CYS1: variants seen among roughly 807,000 people sequenced by gnomAD.
CYS1 encodes cystin 1.
Under a neutral mutation model 9.6 loss-of-function variants are expected in CYS1, and 5 were observed. That is an observed-to-expected ratio of 0.52 (90% CI 0.27 to 1.10). CYS1 has a LOEUF of 1.10. Ranked by LOEUF, CYS1 falls within the 50% of genes least tolerant of loss-of-function variation. CYS1 has a pLI of 0.11. For missense variants in CYS1, 221 were observed against 207.9 expected (o/e 1.06, Z -0.39); for synonymous variants, 88 against 95.7 (o/e 0.92, Z 0.47).
chr2:10,075,266 G>C (rs180930328), intron 1 of CYS1, among the ~76,000 whole-genome samples: 1 of 152,162 alleles, frequency 6.6e-6, no homozygotes, highest in Middle Eastern at 3.2e-3. Context: ...CTTCTGCCTC[G>C]GGTGGGATTC....
chr2:10,080,165 C>T lies in CYS1; in HGVS notation c.59G>A (p.Ser20Asn). 1 of 1,063,066 alleles carries T rather than the reference C, an allele frequency of 9.4e-7. No individual in the cohort carries two copies. The highest frequency in any genetic ancestry group is 1.1e-6 in the Non-Finnish European group (1 of 882,318). 65.9% of individuals were successfully genotyped at this position (1,063,066 alleles called of 1,614,324 possible). ...TGCCGCTCCGGGCCCCGCGGGGAGGCTCTCGGGGCTGCGCCGCCGCCTCAG... is the reference window on the plus strand; with the variant it reads ...TGCCGCTCCGGGCCCCGCGGGGAGGTTCTCGGGGCTGCGCCGCCGCCTCAG... ...RTLRRRRSPE[S>N]LPAGPGAAAL... Residue 20 changes from serine to asparagine, a missense_variant, in exon 1 of 3, where the codon AGC (serine) becomes AAC (asparagine). By Grantham distance (46) the Ser-to-Asn change is conservative. Coordinates refer to ENST00000381813, the MANE Select transcript of CYS1 (RefSeq NM_001037160.3). The surrounding 1 kb of genome is among the most constrained non-coding windows in gnomAD (Gnocchi z 6.4).
intron 2 of CYS1, 69 bp downstream of exon 2, chr2:10,065,835 C>A (rs969212936): frequency 6.6e-7 from 1 of 1,524,318 alleles, no homozygotes; most frequent in African/African-American, 1.4e-5. Flanking sequence ...CAGGAGGGCT[C>A]TGAGGCTGGC....
rs956172384 is a variant in CYS1, at chr2:10,080,404, G to C, written c.-181C>G. The C allele has an allele frequency of 1.7e-4, 34 of 196,930 alleles. No individual in the cohort carries two copies. The Middle Eastern group carries it at 7.5e-3, about 43-fold the overall frequency. 12.2% of individuals were successfully genotyped at this position (196,930 alleles called of 1,614,324 possible). On this transcript the variant is annotated 5_prime_UTR_variant, in exon 1 of 3. Transcript: ENST00000381813. The surrounding 1 kb of genome is among the most constrained non-coding windows in gnomAD (Gnocchi z 6.4). ...CGGGGGTCGCGGCCGGAGGACGGGG[G>C]TGCGAGCCGGAGCCTGGGGAGGGGC...
rs967506935 is a variant in CYS1 at position 10,076,847 on chromosome 2, T to C, written c.318+3059A>G. 1.5e-4 allele frequency among the ~76,000 whole-genome samples: 23 copies of C among 152,284 alleles called. No individual in the cohort carries two copies. Among genetic ancestry groups the C allele is most frequent in the Middle Eastern group, 3.4e-3 (1 of 294 alleles). ...AATCTCATGGGTTTAAATCCTCCCA[T>C]GTTCTAATGGCTTCTAAACGAACTC... On this transcript the variant is annotated intron_variant, in intron 1 of 2. Coordinates refer to ENST00000381813, the MANE Select transcript of CYS1 (RefSeq NM_001037160.3). The surrounding 1 kb of genome is among the most constrained non-coding windows in gnomAD (Gnocchi z 4.3).
At chr2:10,060,388 C>T (rs2125287021) in intron 2 of CYS1, among the ~76,000 whole-genome samples, 1 of 152,340 alleles carries the variant, frequency 6.6e-6, no homozygotes. Flanking sequence ...CCTCCGGGTC[C>T]CCGTCTGGCT....
At chr2:10,077,490 T>C (rs1661859575) in intron 1 of CYS1, among the ~76,000 whole-genome samples, 1 of 152,222 alleles carries the variant, frequency 6.6e-6, no homozygotes, top group South Asian at 2.1e-4. Context: ...TATGAAGCTA[T>C]TAAAGGTTTC....
At chr2:10,071,094 T>C (rs1300940142) in intron 1 of CYS1, among the ~76,000 whole-genome samples, 1 of 152,030 alleles carries the variant, frequency 6.6e-6, no homozygotes, top group African/African-American at 2.4e-5. Flanking sequence ...GCCTCCCGAG[T>C]AGCTGGGATT....
At position 10,058,881 on chromosome 2, in the gene CYS1, G is replaced by A. The variant is rs779196794; in HGVS notation, c.449C>T (p.Ala150Val). 250 of 1,591,034 alleles carry A rather than the reference G, an allele frequency of 1.6e-4. No individual in the cohort carries two copies. The highest frequency in any genetic ancestry group is 2.1e-4 in the Non-Finnish European group (243 of 1,169,552). The part of the protein sequence containing the change: ...SYDHSEEGLM[A>V]SIEREYCR Reference sequence around the variant, plus strand: ...GCGGCAGTACTCCCGCTCGATGCTCGCCATCAGCCCCTCTTCCGAGTGGTC... The same window carrying A: ...GCGGCAGTACTCCCGCTCGATGCTCACCATCAGCCCCTCTTCCGAGTGGTC... The change falls in exon 3 of 3, where the codon GCG becomes GTG. Residue 150 changes from alanine (A) to valine (V), a missense_variant. Ala to Val is a moderately conservative substitution (Grantham distance 64). Transcript: ENST00000381813.
At chr2:10,060,558 G>T (rs1354548365) in intron 2 of CYS1, among the ~76,000 whole-genome samples, 2 of 152,330 alleles carry the variant, frequency 1.3e-5, no homozygotes, top group East Asian at 3.9e-4. Flanking sequence ...TGGCTCCAGG[G>T]ACTATACTTA....
chr2:10,064,409 G>T (rs1168873335), intron 2 of CYS1, among the ~76,000 whole-genome samples: 1 of 152,088 alleles, frequency 6.6e-6, no homozygotes, highest in African/African-American at 2.4e-5. Flanking sequence ...TGGGCTGATG[G>T]AAACTCTAAA....
chr2:10,078,583 C>G (rs977871944), intron 1 of CYS1, among the ~76,000 whole-genome samples: 24 of 152,218 alleles, frequency 1.6e-4, no homozygotes, highest in Admixed American at 1.0e-3. Context: ...GTCCACAGAC[C>G]CTTCCAGATT....
chr2:10,075,130 C>T (rs997023697), intron 1 of CYS1, among the ~76,000 whole-genome samples: 1 of 151,162 alleles, frequency 6.6e-6, no homozygotes, highest in Non-Finnish European at 1.5e-5. Flanking sequence ...AAAAAAAAAT[C>T]GCTTCTGGAC....
At chr2:10,068,134 A>T (rs1399054561) in intron 1 of CYS1, among the ~76,000 whole-genome samples, 1 of 152,164 alleles carries the variant, frequency 6.6e-6, no homozygotes, top group Non-Finnish European at 1.5e-5. Flanking sequence ...TACCATTGAT[A>T]TCTTTCATTT....
chr2:10,060,144 G>A (rs888061676), intron 2 of CYS1, among the ~76,000 whole-genome samples: 2 of 152,254 alleles, frequency 1.3e-5, no homozygotes, highest in South Asian at 4.1e-4. Context: ...GCAGCTGACA[G>A]GGTCCAGGAG....
At chr2:10,079,864 G>A (rs2125293400) in intron 1 of CYS1, 42 bp downstream of exon 1, 1 of 1,073,648 alleles carries the variant, frequency 9.3e-7, no homozygotes, top group Non-Finnish European at 1.1e-6. Context: ...CGGTGAGTGG[G>A]GTCCCCGCCG....
rs1305567040 is a variant in CYS1, at chr2:10,057,098, C to T, written c.*1755G>A. 6.6e-6 allele frequency: 1 copy of T among 152,230 alleles called. No individual in the cohort carries two copies. Among genetic ancestry groups the T allele is most frequent in the Non-Finnish European group, 1.5e-5 (1 of 68,046 alleles). 9.4% of individuals were successfully genotyped at this position (152,230 alleles called of 1,614,324 possible). On this transcript the variant is annotated 3_prime_UTR_variant, in exon 3 of 3. Coordinates refer to ENST00000381813, the MANE Select transcript of CYS1 (RefSeq NM_001037160.3). ...ATCTTTCTTGGAAACCAATTGAAAG[C>T]GTCCCATTTTAACAAAATGACATAA... is the stretch of plus-strand genomic sequence containing the variant.
intron 1 of CYS1, among the ~76,000 whole-genome samples, chr2:10,072,850 A>AGGTGGAGGAGC (rs1219184806): frequency 2.0e-5 from 3 of 150,002 alleles, no homozygotes; most frequent in African/African-American, 4.9e-5. Context: ...TGAGCAGTGC[A>AGGTGGAGGAGC]GGTGGAGGAG....
intron 1 of CYS1, among the ~76,000 whole-genome samples, chr2:10,079,091 G>A (rs1458791967): frequency 2.0e-5 from 3 of 152,110 alleles, no homozygotes; most frequent in African/African-American, 7.2e-5. Context: ...TTTAAAGACC[G>A]TAAGGGAGAG....
intron 1 of CYS1, among the ~76,000 whole-genome samples, chr2:10,071,925 G>A (rs1032091333): frequency 3.9e-5 from 6 of 152,098 alleles, no homozygotes; most frequent in African/African-American, 1.2e-4. Flanking sequence ...GCGTGCGAGG[G>A]GTGTGTGTCA....
Sources: allele counts gnomAD v4.1 joint callset (sites outside exome capture counted in the v4.1 genomes callset), GRCh38; gene constraint gnomAD v4.1.1; non-coding constraint Gnocchi (gnomAD v3.1); transcripts MANE v1.5; gene names NCBI Gene and HGNC (gene_info 2026-07-23, HGNC 2026-07-21).